Variants in SAMD5 observed in about 807,000 individuals in gnomAD.
SAMD5 encodes sterile alpha motif domain-containing protein 5.
Under a neutral mutation model 11.3 loss-of-function variants are expected in SAMD5, and 13 were observed. The ratio of observed to expected loss-of-function variants is 1.15; its 90% CI spans 0.75 to 1.83. The LOEUF (loss-of-function observed/expected upper bound fraction) is 1.83. SAMD5 is among the 40% of genes most tolerant of loss of function. The pLI, the probability that SAMD5 is intolerant of heterozygous loss-of-function variation, is 0.00. For missense variants in SAMD5, 255 were observed against 239.1 expected (o/e 1.07, Z -0.44); for synonymous variants, 129 against 111.3 (o/e 1.16, Z -1.00).
chr6:147,697,607 T>TA (rs984303912), intron 1 of SAMD5, among the ~76,000 whole-genome samples: 3 of 152,094 alleles, frequency 2.0e-5, no homozygotes, highest in South Asian at 2.1e-4. Flanking sequence ...AGCTTAACAA[T>TA]AAAAAAATCT....
chr6:147,934,439 G>C, the SAMD5 span, among the ~76,000 whole-genome samples: 1 of 152,102 alleles, frequency 6.6e-6, no homozygotes, highest in Non-Finnish European at 1.5e-5. Context: ...CCATTCTGTA[G>C]GATACCCCTG....
the SAMD5 span, among the ~76,000 whole-genome samples, chr6:147,908,015 T>A: frequency 6.6e-6 from 1 of 152,190 alleles, no homozygotes; most frequent in South Asian, 2.1e-4. Context: ...TAGCTCTTCA[T>A]GGCAGGCAGC....
chr6:147,734,356 G>C (rs1791760262), intron 1 of SAMD5, among the ~76,000 whole-genome samples: 1 of 152,154 alleles, frequency 6.6e-6, no homozygotes, highest in South Asian at 2.1e-4. Flanking sequence ...AGACAAAGCA[G>C]ATAGTGTGTT....
At chr6:147,629,266 G>C (rs1483915169) in intron 1 of SAMD5, among the ~76,000 whole-genome samples, 3 of 152,104 alleles carry the variant, frequency 2.0e-5, no homozygotes, top group Non-Finnish European at 4.4e-5. Context: ...AGCCGAGATT[G>C]TGTCATTGCA....
chr6:147,948,670 G>T, the SAMD5 span, among the ~76,000 whole-genome samples: 1 of 152,118 alleles, frequency 6.6e-6, no homozygotes, highest in Non-Finnish European at 1.5e-5. Context: ...TGCTTAAAGA[G>T]GTTTTTATTT....
chr6:147,557,785 T>C (rs926496799), intron 1 of SAMD5, among the ~76,000 whole-genome samples: 1 of 152,252 alleles, frequency 6.6e-6, no homozygotes, highest in African/African-American at 2.4e-5. Flanking sequence ...CATAAAATGA[T>C]TGCAGAGCAT....
rs547797284 is a variant in SAMD5, at chr6:147,605,546, C to T, written c.162+96159C>T. 5.3e-5 allele frequency among the ~76,000 whole-genome samples: 8 copies of T among 152,216 alleles called. No individual in the cohort carries two copies. In the South Asian group the frequency reaches 1.5e-3, roughly 28 times the overall value. ...ATGTAGTATGCTTGGAAAAGAAATA[C>T]TTTTCCAGGTTTTTCTATAAACAAA... On this transcript the variant is annotated intron_variant, in intron 1 of 1. Transcript: ENST00000566741.
At chr6:147,595,302 A>G (rs1215348311) in intron 1 of SAMD5, among the ~76,000 whole-genome samples, 1 of 152,178 alleles carries the variant, frequency 6.6e-6, no homozygotes, top group East Asian at 1.9e-4. Flanking sequence ...TGCGATATAT[A>G]ACTTAGTAGT....
chr6:147,921,506 C>T, the SAMD5 span, among the ~76,000 whole-genome samples: 1 of 152,148 alleles, frequency 6.6e-6, no homozygotes. Context: ...AGTGTCAACT[C>T]ATGGAGTTAA....
chr6:147,784,110 C>T, the SAMD5 span, among the ~76,000 whole-genome samples: 1 of 152,112 alleles, frequency 6.6e-6, no homozygotes, highest in African/African-American at 2.4e-5. Context: ...TTCAGAGCCA[C>T]CACCTACCCC....
At position 147,565,963 on chromosome 6, in the gene SAMD5, G is replaced by A. The variant is rs556124771; in HGVS notation, c.*1507G>A. 1.7e-4 allele frequency: 164 copies of A among 985,000 alleles called. 1 individual carries two copies. In the Middle Eastern group the frequency reaches 8.4e-3, roughly 50 times the overall value. The allele number at this position is 985,000 out of a possible 1,614,324, so 61.0% of individuals were successfully genotyped here. On this transcript the variant is annotated 3_prime_UTR_variant, in exon 2 of 2. Transcript: ENST00000367474. The stretch of plus-strand genomic sequence containing the variant: ...CAAGATGTAAGTTCCCATCGGCACC[G>A]TCATGGTAAGAAGAATAAGAAACTC...
chr6:147,712,191 A>G (rs1791409985), intron 1 of SAMD5, among the ~76,000 whole-genome samples: 1 of 152,148 alleles, frequency 6.6e-6, no homozygotes, highest in African/African-American at 2.4e-5. Context: ...TCTGCATGTA[A>G]AGTTTCAGCC....
chr6:147,744,479 A>G, the SAMD5 span, among the ~76,000 whole-genome samples: 1 of 152,220 alleles, frequency 6.6e-6, no homozygotes, highest in South Asian at 2.1e-4. Flanking sequence ...TGAAAGAGAA[A>G]TGATTTTTAT....
chr6:147,525,691 G>T (rs1398015974), intron 1 of SAMD5, among the ~76,000 whole-genome samples: 1 of 151,992 alleles, frequency 6.6e-6, no homozygotes, highest in Non-Finnish European at 1.5e-5. Flanking sequence ...TACTATGTGA[G>T]CGAAATCAAC....
intron 1 of SAMD5, among the ~76,000 whole-genome samples, chr6:147,734,318 A>G (rs182827683): frequency 6.6e-6 from 1 of 152,242 alleles, no homozygotes; most frequent in African/African-American, 2.4e-5. Context: ...TAGATTGAAA[A>G]CTGACTTTAC....
the SAMD5 span, among the ~76,000 whole-genome samples, chr6:147,767,853 T>C: frequency 5.3e-5 from 8 of 152,178 alleles, no homozygotes; most frequent in Non-Finnish European, 8.8e-5. Context: ...CCTTTACAAT[T>C]GAAGGCTATT....
intron 1 of SAMD5, among the ~76,000 whole-genome samples, chr6:147,635,575 C>A (rs1007195901): frequency 1.3e-5 from 2 of 152,208 alleles, no homozygotes; most frequent in Non-Finnish European, 2.9e-5. Flanking sequence ...TCATTGTCAA[C>A]AAATATGGAT....
chr6:147,559,686 G>C lies in SAMD5; in HGVS notation c.460-4708G>C, dbSNP rs191859705. Among the ~76,000 whole-genome samples the C allele has an allele frequency of 3.3e-5, 5 of 152,234 alleles. No individual in the cohort carries two copies. In the East Asian group the frequency reaches 9.7e-4, roughly 29 times the overall value. On this transcript the variant is annotated intron_variant, in intron 1 of 1. Coordinates refer to ENST00000367474, the MANE Select transcript of SAMD5 (RefSeq NM_001030060.3). ...TAATTAGGATGACATTTGGGTAGTTGCCTCTAAAGTAAAAAAAAGAAAATA... is the reference window on the plus strand; with the variant it reads ...TAATTAGGATGACATTTGGGTAGTTCCCTCTAAAGTAAAAAAAAGAAAATA...
At chr6:147,773,375 G>T in the SAMD5 span, among the ~76,000 whole-genome samples, 1 of 152,164 alleles carries the variant, frequency 6.6e-6, no homozygotes, top group East Asian at 1.9e-4. Flanking sequence ...TGAAATCACA[G>T]TTCACTCATC....
Sources: gnomAD v4.1 joint callset for allele counts (sites outside exome capture counted in the v4.1 genomes callset) on GRCh38, gnomAD v4.1.1 for gene constraint, MANE v1.5 for transcripts, NCBI Gene and HGNC (gene_info 2026-07-23, HGNC 2026-07-21) for gene names.